YTHDC2: variants seen among roughly 807,000 people sequenced by gnomAD.
YTHDC2 encodes the protein 3'-5' RNA helicase YTHDC2.
A neutral mutation model predicts 174.9 loss-of-function variants in YTHDC2; 45 were observed. The ratio of observed to expected loss-of-function variants is 0.26; its 90% confidence interval spans 0.20 to 0.33. YTHDC2 has a LOEUF of 0.33. Ranked by LOEUF, YTHDC2 falls within the 10% of genes least tolerant of loss-of-function variation. The pLI, the probability that YTHDC2 is intolerant of heterozygous loss-of-function variation, is 1.00. For synonymous variants in YTHDC2, 657 were observed against 574.5 expected (o/e 1.14, Z -2.05); for missense variants, 1,650 against 1,723.7 (o/e 0.96, Z 0.76).
chr5:113,577,273 A>G (rs1389657487), intron 23 of YTHDC2, among the ~76,000 whole-genome samples: 1 of 152,072 alleles, frequency 6.6e-6, no homozygotes, highest in Non-Finnish European at 1.5e-5. Flanking sequence ...TCTGTTATTG[A>G]GCTATTGTTT....
chr5:113,568,946 T>A (rs917409660), intron 23 of YTHDC2, among the ~76,000 whole-genome samples: 1 of 152,190 alleles, frequency 6.6e-6, no homozygotes. Flanking sequence ...TCTCCCATGG[T>A]GGTTGAATTA....
intron 23 of YTHDC2, among the ~76,000 whole-genome samples, chr5:113,576,462 G>C (rs530843947): frequency 6.6e-6 from 1 of 151,960 alleles, no homozygotes; most frequent in Non-Finnish European, 1.5e-5. Flanking sequence ...TATTTTCTTC[G>C]TGATAAAACT....
At chr5:113,585,247 A>G (rs972029627) in intron 26 of YTHDC2, among the ~76,000 whole-genome samples, 2 of 152,120 alleles carry the variant, frequency 1.3e-5, no homozygotes, top group African/African-American at 4.8e-5. Flanking sequence ...GGAGATGTTG[A>G]TAAGAAATTG....
At chr5:113,574,491 G>T (rs1241625640) in intron 23 of YTHDC2, among the ~76,000 whole-genome samples, 1 of 152,162 alleles carries the variant, frequency 6.6e-6, no homozygotes, top group Admixed American at 6.5e-5. Context: ...GATACAGCAG[G>T]TGTGCTGCAT....
chr5:113,556,345 A>G (rs1209072026), intron 17 of YTHDC2: 2 of 358,788 alleles, frequency 5.6e-6, no homozygotes, highest in Admixed American at 8.9e-5. Context: ...GCCTAGTTAA[A>G]TGTACATTCA....
intron 23 of YTHDC2, among the ~76,000 whole-genome samples, chr5:113,576,982 AT>A (rs532952102): frequency 1.7e-3 from 261 of 152,202 alleles, no homozygotes; most frequent in Admixed American, 2.4e-3. Context: ...GATTTTTAAT[AT>A]TTTTTATAAC....
intron 28 of YTHDC2, 39 bp downstream of exon 28, chr5:113,592,217 CTGTT>C: frequency 6.6e-7 from 1 of 1,506,446 alleles, no homozygotes; most frequent in Non-Finnish European, 8.9e-7. Flanking sequence ...ACTTTTGTTT[CTGTT>C]TGTTTTCTGT....
intron 2 of YTHDC2, among the ~76,000 whole-genome samples, chr5:113,520,277 T>G (rs1773775413): frequency 1.3e-5 from 2 of 151,916 alleles, no homozygotes; most frequent in Non-Finnish European, 2.9e-5. Flanking sequence ...TATTTTTACT[T>G]CAGTTTTTCC....
chr5:113,533,659 G>C (rs1379364241), intron 5 of YTHDC2, among the ~76,000 whole-genome samples: 3 of 152,094 alleles, frequency 2.0e-5, no homozygotes, highest in Non-Finnish European at 4.4e-5. Context: ...CTAGAGTACA[G>C]GTTTGATGTG....
Position 113,567,404 on chromosome 5 carries a change from T to TTATATATATATATATATA in YTHDC2, c.3048+113_3048+130dup, listed in dbSNP as rs368320106. The TTATATATATATATATATA allele has an allele frequency of 1.0e-3, 289 of 287,418 alleles. No homozygotes were observed. In the African/African-American group the frequency reaches 0.01, roughly 10 times the overall value. The allele number at this position is 287,418 out of a possible 1,614,324, so 17.8% of individuals were successfully genotyped here. The stretch of plus-strand genomic sequence containing the variant: ...CTGCCTGCTTTAAGAAATTAATTAG[T>TTATATATATATATATATA]TATATATATATATATATATATATCA... On this transcript the variant is annotated intron_variant, in intron 22 of 29. Coordinates refer to ENST00000161863, the MANE Select transcript of YTHDC2 (RefSeq NM_022828.5).
At chr5:113,546,970 G>A (rs1256427789) in intron 10 of YTHDC2, among the ~76,000 whole-genome samples, 2 of 152,096 alleles carry the variant, frequency 1.3e-5, no homozygotes, top group Non-Finnish European at 2.9e-5. Flanking sequence ...TGATTCAAGA[G>A]AGAAAGAAAA....
Position 113,535,718 on chromosome 5 carries a change from C to T in YTHDC2, c.1022C>T (p.Thr341Ile). 1.9e-6 allele frequency: 3 copies of T among 1,613,676 alleles called. No homozygotes were observed. In the Admixed American group the frequency reaches 5.0e-5, roughly 27 times the overall value. The change falls in exon 7 of 30, where the codon ACT becomes ATT. Residue 341 changes from threonine (T) to isoleucine (I), a missense_variant. Transcript: ENST00000161863. ...KLRDLLQKHPTLKLILSSAAL... is the reference protein window; with the variant it reads ...KLRDLLQKHPILKLILSSAAL... ...AGAGATTTGTTGCAAAAGCACCCAACTTTGAAACTAATTCTTTCTAGTGCT... is the reference window on the plus strand; with the variant it reads ...AGAGATTTGTTGCAAAAGCACCCAATTTTGAAACTAATTCTTTCTAGTGCT...
At chr5:113,552,016 G>A (rs1776281516) in intron 12 of YTHDC2, among the ~76,000 whole-genome samples, 1 of 151,956 alleles carries the variant, frequency 6.6e-6, no homozygotes, top group African/African-American at 2.4e-5. Flanking sequence ...TTTTAGTATA[G>A]AATTTTCTAA....
At chr5:113,591,018 A>C in intron 26 of YTHDC2, 23 bp from the exon 27 acceptor site, 1 of 1,605,616 alleles carries the variant, frequency 6.2e-7, no homozygotes, top group East Asian at 2.2e-5. Context: ...TTACCTTTCA[A>C]GAACTTATGT....
intron 4 of YTHDC2, among the ~76,000 whole-genome samples, chr5:113,527,834 G>T (rs1774371757): frequency 6.6e-6 from 1 of 152,018 alleles, no homozygotes. Flanking sequence ...TGTCACCCAG[G>T]CTGGAGTGCA....
At position 113,526,750 on chromosome 5, in the gene YTHDC2, A is replaced by G; in HGVS notation, c.640A>G (p.Ile214Val). ...KIIKENKVVLIVGETGSGKTT... is the reference protein window; with the variant it reads ...KIIKENKVVLVVGETGSGKTT... ...AATTAAGGAAAATAAAGTAGTTTTG[A>G]TTGTAGGAGAAACTGGGTCTGGAAA... Residue 214 changes from isoleucine to valine, a missense_variant, in exon 4 of 30, where the codon ATT (isoleucine) becomes GTT (valine). Physicochemically the swap from Ile to Val is conservative, Grantham distance 29 (BLOSUM62 3). Coordinates refer to ENST00000161863, the MANE Select transcript of YTHDC2 (RefSeq NM_022828.5). 6.5e-7 allele frequency: 1 copy of G among 1,536,940 alleles called. No individual in the cohort carries two copies. Among genetic ancestry groups the G allele is most frequent in the Non-Finnish European group, 8.8e-7 (1 of 1,139,160 alleles).
intron 2 of YTHDC2, among the ~76,000 whole-genome samples, chr5:113,521,630 CTG>C (rs1311203785): frequency 6.6e-6 from 1 of 151,454 alleles, no homozygotes; most frequent in Non-Finnish European, 1.5e-5. Flanking sequence ...ACTGGGGAGA[CTG>C]AGACAGGAGA....
chr5:113,514,235 G>A (rs895776242), intron 1 of YTHDC2, 153 bp downstream of exon 1: 1 of 965,894 alleles, frequency 1.0e-6, no homozygotes, highest in South Asian at 1.4e-5. Context: ...GGCGGCACCC[G>A]GGTCTGGAAC....
rs755495464 is a variant in YTHDC2, at chr5:113,548,987, A to G, written c.1655A>G (p.Gln552Arg). The G allele has an allele frequency of 6.2e-7, 1 of 1,613,234 alleles. No homozygotes were observed. The highest frequency in any genetic ancestry group is 8.5e-7 in the Non-Finnish European group (1 of 1,179,492). The change falls in exon 12 of 30, where the codon CAG becomes CGG. Residue 552 changes from glutamine (Q) to arginine (R), a missense_variant. Transcript: ENST00000161863. ...MALDWAKHFG[Q>R]TEIVDLLESY... ...TTGGATTGGGCTAAACACTTTGGGC[A>G]GACTGAAATTGTGGATCTTCTAGAA...
Sources: gnomAD v4.1 joint callset for allele counts (sites outside exome capture counted in the v4.1 genomes callset) on GRCh38, gnomAD v4.1.1 for gene constraint, MANE v1.5 for transcripts, NCBI Gene and HGNC (gene_info 2026-07-23, HGNC 2026-07-21) for gene names.